The following ARID1B variants were observed in gnomAD, a reference collection of about 807,000 sequenced individuals.
The protein encoded by ARID1B is AT-rich interactive domain-containing protein 1B.
Under a neutral mutation model 212.3 loss-of-function variants are expected in ARID1B, and 30 were observed. The observed-to-expected ratio is 0.14, with a 90% confidence interval of 0.11 to 0.19. ARID1B has a LOEUF of 0.19. Among genes scored for constraint, ARID1B ranks in the 10% least tolerant of loss-of-function variants. The probability of loss-of-function intolerance (pLI) is 1.00; values close to 1 mark genes in which losing one functional copy is unlikely to be tolerated. For missense variants in ARID1B, 2,891 were observed against 3,204.0 expected, an observed-to-expected ratio of 0.90 and a Z score of 2.36; for synonymous variants, 1,402 against 1,301.7, an observed-to-expected ratio of 1.08 and a Z score of -1.66.
chr6:157,205,911 C>A, intron 19 of ARID1B: 1 of 469,100 alleles, frequency 2.1e-6, no homozygotes, highest in Non-Finnish European at 3.9e-6. Context: ...AGTAAGTTTT[C>A]GTGTAGATAG....
At chr6:156,900,467 G>A (rs1788826559) in intron 2 of ARID1B, among the ~76,000 whole-genome samples, 1 of 152,080 alleles carries the variant, frequency 6.6e-6, no homozygotes, top group South Asian at 2.1e-4. Flanking sequence ...TGTGCTTATG[G>A]GGCTCAAGTT....
chr6:156,781,975 C>CTTT lies in ARID1B; in HGVS notation c.1791+2531_1791+2533dup, dbSNP rs57443841. Among the ~76,000 whole-genome samples, 154 of 39,220 alleles carry CTTT rather than the reference C, an allele frequency of 3.9e-3. 41 individuals are homozygous for CTTT. The highest frequency in any genetic ancestry group is 7.0e-3 in the African/African-American group (84 of 11,986). 25.7% of individuals were successfully genotyped at this position (39,220 alleles called of 152,430 possible). A position where few individuals can be genotyped will look rare whatever the true frequency, so the allele number is the denominator to read the frequency against. ...TGTCCCTATGACCCTTGGGAATAGG[C>CTTT]TTTTTTTTTTTTTTTTTTTTTTTTT... On this transcript the variant is annotated intron_variant, in intron 1 of 19. Coordinates refer to ENST00000636930, the MANE Select transcript of ARID1B (RefSeq NM_001374828.1).
At chr6:156,902,385 G>A (rs1480444299) in intron 3 of ARID1B, among the ~76,000 whole-genome samples, 2 of 152,134 alleles carry the variant, frequency 1.3e-5, no homozygotes, top group African/African-American at 4.8e-5. Context: ...GTGAACACAT[G>A]TAGCATCGAC....
rs569762303 is a variant in ARID1B at position 156,870,322 on chromosome 6, C to T, written c.1987-31054C>T. 1.3e-5 allele frequency: 2 copies of T among 152,250 alleles called. 1 individual carries two copies. Among genetic ancestry groups the T allele is most frequent in the Admixed American group, 1.3e-4 (2 of 15,290 alleles). The allele number at this position is 152,250 out of a possible 1,614,324, so 9.4% of individuals were successfully genotyped here. ...TGCGTTCATACTGTGGTAGCAGGCC[C>T]CGTCTGAGGCCCATCCTGGTGTTGA... is the stretch of plus-strand genomic sequence containing the variant. On this transcript the variant is annotated intron_variant, in intron 2 of 19. Coordinates refer to ENST00000636930, the MANE Select transcript of ARID1B (RefSeq NM_001374828.1).
intron 2 of ARID1B, among the ~76,000 whole-genome samples, chr6:156,845,059 T>C (rs1369819985): frequency 6.6e-6 from 1 of 152,234 alleles, no homozygotes; most frequent in Non-Finnish European, 1.5e-5. Context: ...GATGTCCACA[T>C]GTAAAAAGCT....
chr6:157,001,094 C>T (rs1224683228), intron 4 of ARID1B, among the ~76,000 whole-genome samples: 1 of 152,186 alleles, frequency 6.6e-6, no homozygotes, highest in East Asian at 1.9e-4. Flanking sequence ...TTATAGCTAT[C>T]AATTCCTTCA....
chr6:156,914,842 A>G (rs1471465056), intron 3 of ARID1B, among the ~76,000 whole-genome samples: 1 of 152,098 alleles, frequency 6.6e-6, no homozygotes, highest in Non-Finnish European at 1.5e-5. Flanking sequence ...ATGTCAATCC[A>G]TCCTTTCTGA....
At chr6:157,096,047 G>A (rs1785599598) in intron 5 of ARID1B, among the ~76,000 whole-genome samples, 1 of 152,116 alleles carries the variant, frequency 6.6e-6, no homozygotes, top group South Asian at 2.1e-4. Flanking sequence ...AGAATAATGT[G>A]ATTTATCCTT....
chr6:156,927,886 A>G (rs1174172924), intron 3 of ARID1B, among the ~76,000 whole-genome samples: 3 of 152,220 alleles, frequency 2.0e-5, no homozygotes, highest in African/African-American at 7.2e-5. Flanking sequence ...AATGGTGTCC[A>G]GTTTGGGATA....
At chr6:156,987,902 A>G (rs867602767) in intron 4 of ARID1B, among the ~76,000 whole-genome samples, 20 of 152,302 alleles carry the variant, frequency 1.3e-4, no homozygotes, top group African/African-American at 3.6e-4. Flanking sequence ...TTTCTGTAAT[A>G]TGTTTTTGAA....
At chr6:156,818,098 A>ATTTTTT (rs71027317) in intron 1 of ARID1B, among the ~76,000 whole-genome samples, 6 of 61,330 alleles carry the variant, frequency 9.8e-5, no homozygotes, top group South Asian at 7.7e-4. Context: ...TAGTTGCCCT[A>ATTTTTT]TTTTTTTTTT....
intron 4 of ARID1B, among the ~76,000 whole-genome samples, chr6:157,057,523 A>G (rs529638948): frequency 6.6e-6 from 1 of 152,122 alleles, no homozygotes; most frequent in African/African-American, 2.4e-5. Context: ...TCCTAGGCCC[A>G]AACGATCCTC....
At chr6:156,827,305 A>G (rs989210730) in intron 1 of ARID1B, among the ~76,000 whole-genome samples, 3 of 152,032 alleles carry the variant, frequency 2.0e-5, no homozygotes, top group Non-Finnish European at 2.9e-5. Flanking sequence ...CCCTCTGCAC[A>G]CTCCATCTCA....
Position 157,201,128 on chromosome 6 carries a change from T to TGGTCTTCTCACGTCAGCCAGC in ARID1B, c.4905_4906insTCTTCTCACGTCAGCCAGCGG (p.Trp1635_Pro1636insSerSerHisValSerGlnArg). 1 of 1,614,188 alleles carries TGGTCTTCTCACGTCAGCCAGC rather than the reference T, an allele frequency of 6.2e-7. No individual in the cohort carries two copies. The highest frequency in any genetic ancestry group is 8.5e-7 in the Non-Finnish European group (1 of 1,180,030). ...TCAGAGGATAAATCATGAGAGCCAG[T>TGGTCTTCTCACGTCAGCCAGC]GGCCTTCTCACGTCAGCCAGCGTCA... is the stretch of plus-strand genomic sequence containing the variant. On this transcript the variant is annotated inframe_insertion, in exon 18 of 20. Coordinates refer to ENST00000636930, the MANE Select transcript of ARID1B (RefSeq NM_001374828.1). This position sits in a 1 kb window ranked among gnomAD's most constrained non-coding sequence, Gnocchi z 5.2.
At chr6:157,204,034 TAGG>T in intron 19 of ARID1B, 38 bp downstream of exon 19, 1 of 1,612,286 alleles carries the variant, frequency 6.2e-7, no homozygotes, top group Non-Finnish European at 8.5e-7. Context: ...CAAATTAGGA[TAGG>T]AGAGCATCAG....
intron 8 of ARID1B, among the ~76,000 whole-genome samples, chr6:157,163,774 G>A (rs1218347002): frequency 6.6e-6 from 1 of 152,222 alleles, no homozygotes; most frequent in African/African-American, 2.4e-5. Context: ...TTGTACAACC[G>A]CAGGGCCATA....
intron 5 of ARID1B, among the ~76,000 whole-genome samples, chr6:157,109,034 G>A (rs965145008): frequency 2.6e-5 from 4 of 152,122 alleles, no homozygotes; most frequent in Non-Finnish European, 4.4e-5. Flanking sequence ...CTATTTATAC[G>A]TGTTATCTAA....
chr6:157,010,538 G>GT (rs1174266478), intron 4 of ARID1B, among the ~76,000 whole-genome samples: 2 of 151,270 alleles, frequency 1.3e-5, no homozygotes, highest in African/African-American at 4.9e-5. Flanking sequence ...GGCCAGGACG[G>GT]TCTCATCTCC....
intron 1 of ARID1B, among the ~76,000 whole-genome samples, chr6:156,802,660 G>A (rs1244178135): frequency 6.6e-6 from 1 of 152,142 alleles, no homozygotes; most frequent in East Asian, 1.9e-4. Flanking sequence ...TAGCCCCTGG[G>A]GCTTTGATTT....
Sources: allele counts gnomAD v4.1 joint callset (sites outside exome capture counted in the v4.1 genomes callset), GRCh38; gene constraint gnomAD v4.1.1; non-coding constraint Gnocchi (gnomAD v3.1); transcripts MANE v1.5; gene names NCBI Gene and HGNC (gene_info 2026-07-23, HGNC 2026-07-21).